The following RAB6B variants were observed in gnomAD, a reference collection of about 807,000 sequenced individuals.
RAB6B encodes RAB6B, member RAS oncogene family, also known as ras-related protein Rab-6B.
RAB6B carries 7 observed loss-of-function variants against 31.2 expected under a neutral mutation model. The ratio of observed to expected loss-of-function variants is 0.22; its 90% CI spans 0.13 to 0.42. The LOEUF is 0.42. Among genes scored for constraint, RAB6B ranks in the 10% least tolerant of loss-of-function variants. RAB6B has a pLI of 1.00. For synonymous variants in RAB6B, 105 were observed against 104.9 expected (o/e 1.00, Z -0.01); for missense variants, 149 against 280.6 (o/e 0.53, Z 3.35).
At chr3:133,882,400 T>C (rs1936481206) in intron 1 of RAB6B, among the ~76,000 whole-genome samples, 1 of 152,220 alleles carries the variant, frequency 6.6e-6, no homozygotes, top group African/African-American at 2.4e-5. Flanking sequence ...GAGGAGGCTA[T>C]GCAAGGGTAT....
chr3:133,848,202 G>C (rs1403877570), intron 2 of RAB6B, among the ~76,000 whole-genome samples: 2 of 152,178 alleles, frequency 1.3e-5, no homozygotes, highest in African/African-American at 4.8e-5. Flanking sequence ...TGACCATCCA[G>C]GCGCCCACGC....
chr3:133,855,773 T>C (rs958844410), intron 2 of RAB6B, among the ~76,000 whole-genome samples: 12 of 152,158 alleles, frequency 7.9e-5, no homozygotes, highest in African/African-American at 2.2e-4. Context: ...CCATTCCACT[T>C]ATTAAATGTA....
At chr3:133,887,066 A>G (rs1936559138) in intron 1 of RAB6B, among the ~76,000 whole-genome samples, 1 of 152,046 alleles carries the variant, frequency 6.6e-6, no homozygotes, top group Non-Finnish European at 1.5e-5. Context: ...AAGCCCTCCT[A>G]GGTCTGCTGG....
intron 2 of RAB6B, among the ~76,000 whole-genome samples, chr3:133,846,665 G>A (rs1032593825): frequency 6.6e-6 from 1 of 152,100 alleles, no homozygotes; most frequent in African/African-American, 2.4e-5. Flanking sequence ...AAAAAGTAGA[G>A]AGAAAACCGT....
At position 133,828,638 on chromosome 3, in the gene RAB6B, C is replaced by CA; in HGVS notation, c.*149_*150insT. Reference sequence around the variant, plus strand: ...ATGTGATCCCTGATGCCCAGCCTCCCTCCCCATCCCACCCTACTCCTAAAG... The same window carrying CA: ...ATGTGATCCCTGATGCCCAGCCTCCCATCCCCATCCCACCCTACTCCTAAAG... On this transcript the variant is annotated 3_prime_UTR_variant, in exon 8 of 8. Coordinates refer to ENST00000285208, the MANE Select transcript of RAB6B (RefSeq NM_016577.4). The CA allele has an allele frequency of 1.5e-6, 1 of 669,620 alleles. No homozygotes were observed. The highest frequency in any genetic ancestry group is 2.7e-6 in the Non-Finnish European group (1 of 372,608). 41.5% of individuals were successfully genotyped at this position (669,620 alleles called of 1,614,324 possible).
At chr3:133,835,033 G>A (rs1176214059) in intron 6 of RAB6B, among the ~76,000 whole-genome samples, 1 of 152,242 alleles carries the variant, frequency 6.6e-6, no homozygotes, top group Admixed American at 6.5e-5. Flanking sequence ...TGGGGACCAG[G>A]CATGGGGAAG....
chr3:133,875,206 T>C lies in RAB6B; in HGVS notation c.71-10564A>G, dbSNP rs144408987. 1.5e-4 allele frequency among the ~76,000 whole-genome samples: 23 copies of C among 152,350 alleles called. 1 individual carries two copies. The East Asian group carries it at 4.4e-3, about 29-fold the overall frequency. On this transcript the variant is annotated intron_variant, in intron 1 of 7. Coordinates refer to ENST00000285208, the MANE Select transcript of RAB6B (RefSeq NM_016577.4). ...AACATTGCTATGCAGCACATGACTA[T>C]ATATACATTGTGAAATGATTACCAC...
At chr3:133,831,095 A>T (rs1935649897) in intron 7 of RAB6B, among the ~76,000 whole-genome samples, 1 of 152,170 alleles carries the variant, frequency 6.6e-6, no homozygotes, top group Non-Finnish European at 1.5e-5. Flanking sequence ...CCACTAAAAC[A>T]ATCTCATGCG....
At chr3:133,848,805 G>A (rs1935938976) in intron 2 of RAB6B, among the ~76,000 whole-genome samples, 2 of 149,514 alleles carry the variant, frequency 1.3e-5, no homozygotes, top group African/African-American at 2.5e-5. Context: ...TCTTAATACC[G>A]TCACAATGGG....
chr3:133,861,131 G>A (rs532943777), intron 2 of RAB6B, among the ~76,000 whole-genome samples: 38 of 152,354 alleles, frequency 2.5e-4, no homozygotes, highest in African/African-American at 8.9e-4. Context: ...GGGGAAGGGG[G>A]CTGGCCCCAA....
rs927684637 is a variant in RAB6B, at chr3:133,850,619, A to C, written c.130-8956T>G. On this transcript the variant is annotated intron_variant, in intron 2 of 7. Coordinates refer to ENST00000285208, the MANE Select transcript of RAB6B (RefSeq NM_016577.4). Reference sequence around the variant, plus strand: ...TAGATCATATAAATTATCCAAAAGGAAGCATAAAGAGAAAAAAAATTGAGA... The same window carrying C: ...TAGATCATATAAATTATCCAAAAGGCAGCATAAAGAGAAAAAAAATTGAGA... Among the ~76,000 whole-genome samples the C allele has an allele frequency of 2.0e-5, 3 of 152,186 alleles. No individual in the cohort carries two copies. The South Asian group carries it at 6.2e-4, about 32-fold the overall frequency.
At chr3:133,864,454 G>A in intron 2 of RAB6B, 130 bp downstream of exon 2, 3 of 879,596 alleles carry the variant, frequency 3.4e-6, no homozygotes, top group Non-Finnish European at 3.8e-6. Flanking sequence ...TATAGAGGTG[G>A]GAAGCTCCTC....
intron 1 of RAB6B, among the ~76,000 whole-genome samples, chr3:133,867,479 A>G (rs1280717882): frequency 6.6e-6 from 1 of 152,202 alleles, no homozygotes; most frequent in African/African-American, 2.4e-5. Context: ...ACGGGCATTA[A>G]GGTGACAGCT....
In RAB6B at chr3:133,892,812, C is replaced by T. The variant is rs115796333; in HGVS notation, c.70+2585G>A. 2.1e-3 allele frequency among the ~76,000 whole-genome samples: 322 copies of T among 152,324 alleles called. 1 individual carries two copies. Among genetic ancestry groups the T allele is most frequent in the African/African-American group, 7.4e-3 (309 of 41,582 alleles). On this transcript the variant is annotated intron_variant, in intron 1 of 7. Coordinates refer to ENST00000285208, the MANE Select transcript of RAB6B (RefSeq NM_016577.4). ...GGGCCAGCCCTCAGGTGGCTCTCTC[C>T]ACTGCACAGGCTGCAGAGAATGCTG...
intron 2 of RAB6B, among the ~76,000 whole-genome samples, chr3:133,848,524 T>G (rs1675507696): frequency 1.3e-5 from 2 of 152,216 alleles, no homozygotes; most frequent in Admixed American, 6.5e-5. Context: ...AAAAAGAAAT[T>G]TACTTATCAC....
rs1935580633 is a variant in RAB6B, at chr3:133,827,327, TAC to T, written c.*1459_*1460del. 1 of 152,308 alleles carries T rather than the reference TAC, an allele frequency of 6.6e-6. No homozygotes were observed. The highest frequency in any genetic ancestry group is 1.5e-5 in the Non-Finnish European group (1 of 68,096). The allele number at this position is 152,308 out of a possible 1,614,324, so 9.4% of individuals were successfully genotyped here. A position where few individuals can be genotyped will look rare whatever the true frequency, so the allele number is the denominator to read the frequency against. Reference sequence around the variant, plus strand: ...CAATGACAGCAGGGAGGGTGGGGTTTACATTTTGGCCAGACTCACTGCCCATT... The same window carrying T: ...CAATGACAGCAGGGAGGGTGGGGTTTATTTTGGCCAGACTCACTGCCCATT... On this transcript the variant is annotated 3_prime_UTR_variant, in exon 8 of 8. Transcript: ENST00000285208.
chr3:133,840,197 C>T (rs547130091), intron 4 of RAB6B, among the ~76,000 whole-genome samples: 30 of 152,102 alleles, frequency 2.0e-4, no homozygotes, highest in African/African-American at 5.5e-4. Context: ...AAGGTGGCCC[C>T]GGGACTAGTC....
At chr3:133,840,059 A>C (rs1576394739) in intron 4 of RAB6B, among the ~76,000 whole-genome samples, 1 of 151,968 alleles carries the variant, frequency 6.6e-6, no homozygotes, top group East Asian at 2.0e-4. Context: ...AGAGGAGGAC[A>C]CAGCAGCCTC....
At chr3:133,858,090 A>T (rs943432778) in intron 2 of RAB6B, among the ~76,000 whole-genome samples, 1 of 151,882 alleles carries the variant, frequency 6.6e-6, no homozygotes, top group African/African-American at 2.4e-5. Flanking sequence ...TGGGTCAGGA[A>T]CCCTCCATGG....
Sources: allele counts gnomAD v4.1 joint callset (sites outside exome capture counted in the v4.1 genomes callset), GRCh38; gene constraint gnomAD v4.1.1; transcripts MANE v1.5; gene names NCBI Gene and HGNC (gene_info 2026-07-23, HGNC 2026-07-21).